BTRC: variants seen among roughly 807,000 people sequenced by gnomAD.
The protein encoded by BTRC is F-box/WD repeat-containing protein 1A.
In BTRC, 42 loss-of-function variants were observed where a neutral mutation model predicts 85.5. The ratio of observed to expected loss-of-function variants is 0.49; its 90% CI spans 0.38 to 0.64. The LOEUF (loss-of-function observed/expected upper bound fraction) is 0.64, where lower values mean the gene tolerates loss of function less well. Ranked by LOEUF, BTRC falls within the 30% of genes least tolerant of loss-of-function variation. The pLI, the probability that BTRC is intolerant of heterozygous loss-of-function variation, is 0.00. For synonymous variants in BTRC, 255 were observed against 263.3 expected, an observed-to-expected ratio of 0.97 and a Z score of 0.30; for missense variants, 594 against 743.5, an observed-to-expected ratio of 0.80 and a Z score of 2.34.
chr10:101,449,387 TA>T (rs925524233), intron 2 of BTRC, among the ~76,000 whole-genome samples: 1 of 152,050 alleles, frequency 6.6e-6, no homozygotes, highest in African/African-American at 2.4e-5. Context: ...CCTATTTTGA[TA>T]AAAAAACTAC....
chr10:101,408,397 C>T (rs1031821586), intron 1 of BTRC, among the ~76,000 whole-genome samples: 5 of 152,108 alleles, frequency 3.3e-5, no homozygotes, highest in Admixed American at 2.6e-4. Context: ...GCCTTGCCCT[C>T]CCAGCCTCAA....
chr10:101,502,051 T>C (rs987422250), intron 4 of BTRC, among the ~76,000 whole-genome samples: 3 of 152,166 alleles, frequency 2.0e-5, no homozygotes, highest in African/African-American at 7.2e-5. Flanking sequence ...AGGGGACATA[T>C]AAATAACCTC....
chr10:101,448,304 T>A (rs1944878165), intron 2 of BTRC, among the ~76,000 whole-genome samples: 1 of 152,142 alleles, frequency 6.6e-6, no homozygotes, highest in Non-Finnish European at 1.5e-5. Flanking sequence ...TCAAAGAGCA[T>A]TGCTTTAAAA....
At chr10:101,531,415 C>A in intron 7 of BTRC, 82 bp downstream of exon 7, 2 of 1,094,250 alleles carry the variant, frequency 1.8e-6, no homozygotes, top group Non-Finnish European at 1.3e-6. Flanking sequence ...TTACAGCAAG[C>A]CCATTAAGGT....
chr10:101,441,586 A>G (rs548909559), intron 2 of BTRC, among the ~76,000 whole-genome samples: 16 of 152,292 alleles, frequency 1.1e-4, no homozygotes, highest in African/African-American at 3.8e-4. Context: ...TTCTACTAGA[A>G]AGTTTTTTCT....
intron 1 of BTRC, among the ~76,000 whole-genome samples, chr10:101,408,480 T>A (rs991883393): frequency 5.9e-5 from 9 of 152,014 alleles, no homozygotes; most frequent in African/African-American, 1.7e-4. Flanking sequence ...CTAATTTTTG[T>A]ATTTTTTACA....
At chr10:101,513,929 T>C (rs1056372713) in intron 4 of BTRC, among the ~76,000 whole-genome samples, 5 of 152,230 alleles carry the variant, frequency 3.3e-5, no homozygotes, top group African/African-American at 9.6e-5. Context: ...CTCATTCTTG[T>C]CCACACTTAG....
chr10:101,402,541 A>T (rs878923155), intron 1 of BTRC, among the ~76,000 whole-genome samples: 1 of 152,194 alleles, frequency 6.6e-6, no homozygotes, highest in Admixed American at 6.5e-5. Context: ...TCATCCCTTT[A>T]GTCCAAGTTT....
chr10:101,537,091 AGTTCTCTT>A (rs1430368430), intron 12 of BTRC, among the ~76,000 whole-genome samples: 3 of 152,200 alleles, frequency 2.0e-5, no homozygotes, highest in African/African-American at 4.8e-5. Flanking sequence ...TTAAGAGTAC[AGTTCTCTT>A]GTCATCACTT....
intron 2 of BTRC, among the ~76,000 whole-genome samples, chr10:101,442,588 A>G (rs904122323): frequency 1.3e-5 from 2 of 152,214 alleles, no homozygotes; most frequent in Non-Finnish European, 2.9e-5. Context: ...GTTTTTAAGT[A>G]CTAAGTTACA....
At chr10:101,380,661 T>C (rs775861217) in intron 1 of BTRC, among the ~76,000 whole-genome samples, 3 of 152,206 alleles carry the variant, frequency 2.0e-5, no homozygotes, top group Non-Finnish European at 2.9e-5. Context: ...ATGACACTTA[T>C]TTTTCCATTT....
intron 1 of BTRC, among the ~76,000 whole-genome samples, chr10:101,415,519 AT>A (rs1943917293): frequency 3.3e-4 from 2 of 6,128 alleles, no homozygotes; most frequent in African/African-American, 4.0e-4. Flanking sequence ...ATGTTATGTT[AT>A]GTTATGTTAT....
At chr10:101,384,182 T>C (rs1943008331) in intron 1 of BTRC, among the ~76,000 whole-genome samples, 1 of 152,254 alleles carries the variant, frequency 6.6e-6, no homozygotes, top group Admixed American at 6.5e-5. Flanking sequence ...TCTGTGCAAT[T>C]AGTAAAGCAA....
At chr10:101,358,727 T>C (rs1158689319) in intron 1 of BTRC, among the ~76,000 whole-genome samples, 4 of 152,150 alleles carry the variant, frequency 2.6e-5, no homozygotes, top group Non-Finnish European at 5.9e-5. Context: ...TAAAGTGTGG[T>C]GGCAAGGTTC....
rs114943798 is a variant in BTRC at position 101,435,104 on chromosome 10, A to G, written c.156+4652A>G. 9.2e-3 allele frequency among the ~76,000 whole-genome samples: 1,407 copies of G among 152,142 alleles called. 26 individuals carry two copies. The highest frequency in any genetic ancestry group is 0.032 in the African/African-American group (1,327 of 41,520). ...TTTGAATCTAGTATCTTCTCTGCCC[A>G]CCTACTGGAATTACAGCAGTCTTAG... On this transcript the variant is annotated intron_variant, in intron 2 of 14. Transcript: ENST00000370187.
At chr10:101,522,352 T>TTA (rs2062121305) in intron 5 of BTRC, among the ~76,000 whole-genome samples, 1 of 42,060 alleles carries the variant, frequency 2.4e-5, no homozygotes, top group Non-Finnish European at 5.1e-5. Flanking sequence ...TATAAAGCTT[T>TTA]AAAAAAAAAA....
chr10:101,455,153 C>T (rs544258815), intron 2 of BTRC, among the ~76,000 whole-genome samples: 24 of 151,232 alleles, frequency 1.6e-4, no homozygotes, highest in African/African-American at 5.6e-4. Context: ...TGGGCTTAAG[C>T]GATCCTCCCG....
intron 2 of BTRC, among the ~76,000 whole-genome samples, chr10:101,432,012 A>G (rs1944415296): frequency 6.6e-6 from 1 of 152,226 alleles, no homozygotes; most frequent in Admixed American, 6.5e-5. Flanking sequence ...ATACTATAGT[A>G]AGGGCATGCA....
intron 1 of BTRC, among the ~76,000 whole-genome samples, chr10:101,425,466 C>A (rs1197702051): frequency 6.6e-6 from 1 of 152,068 alleles, no homozygotes; most frequent in East Asian, 1.9e-4. Flanking sequence ...ATGTGCTGTG[C>A]AGGGCTGGAT....
Sources: allele counts gnomAD v4.1 joint callset (sites outside exome capture counted in the v4.1 genomes callset), GRCh38; gene constraint gnomAD v4.1.1; transcripts MANE v1.5; gene names NCBI Gene and HGNC (gene_info 2026-07-23, HGNC 2026-07-21).